Variants in UBR1 observed in about 807,000 individuals in gnomAD.
UBR1 encodes E3 ubiquitin-protein ligase UBR1.
A neutral mutation model predicts 242.1 loss-of-function variants in UBR1; 102 were observed. That is an observed-to-expected ratio of 0.42 (90% CI 0.36 to 0.50). UBR1 has a LOEUF of 0.50. Among genes scored for constraint, UBR1 ranks in the 20% least tolerant of loss-of-function variants. The pLI is 0.01. For missense variants in UBR1, 1,772 were observed against 2,101.8 expected, an observed-to-expected ratio of 0.84 and a Z score of 3.07; for synonymous variants, 675 against 684.8, an observed-to-expected ratio of 0.99 and a Z score of 0.22.
intron 14 of UBR1, among the ~76,000 whole-genome samples, chr15:43,046,734 C>T (rs971689503): frequency 3.9e-5 from 6 of 152,146 alleles, no homozygotes; most frequent in East Asian, 3.9e-4. Flanking sequence ...TATTTAAAGA[C>T]GGTTATGGTC....
chr15:43,077,694 TAAAA>T (rs1004151720), intron 3 of UBR1, among the ~76,000 whole-genome samples: 6 of 141,462 alleles, frequency 4.2e-5, no homozygotes, highest in African/African-American at 1.6e-4. Context: ...AAAAATAAAA[TAAAA>T]AAACTCATGA....
chr15:43,075,034 T>A lies in UBR1; in HGVS notation c.473A>T (p.Lys158Ile), dbSNP rs2033870791. Residue 158 changes from lysine to isoleucine, a missense_variant, in exon 4 of 47, where the codon AAA becomes ATA. Lys to Ile is a moderately radical substitution (Grantham distance 102, BLOSUM62 -3). This residue lies in a region of UBR1 where 734 missense variants were observed against 893.3 expected (regional missense o/e 0.82). Transcript: ENST00000290650. ...ATGATTTACACAAAAAGGGCCAGTT[T>A]TCCATGCCTCTGTGTCTCCACAGTC... The part of the protein sequence containing the change: ...FCDCGDTEAW[K>I]TGPFCVNHEP... 6.2e-7 allele frequency: 1 copy of A among 1,614,136 alleles called. No homozygotes were observed. The highest frequency in any genetic ancestry group is 8.5e-7 in the Non-Finnish European group (1 of 1,180,008).
chr15:43,007,428 C>A, intron 29 of UBR1, 144 bp from the exon 30 acceptor site: 1 of 807,546 alleles, frequency 1.2e-6, no homozygotes, highest in Non-Finnish European at 2.0e-6. Context: ...AAGTTAAAAG[C>A]TTCCCCCTTT....
intron 44 of UBR1, among the ~76,000 whole-genome samples, chr15:42,956,027 A>T (rs1451548407): frequency 6.6e-6 from 1 of 152,132 alleles, no homozygotes; most frequent in Non-Finnish European, 1.5e-5. Flanking sequence ...GAAAGAGATA[A>T]AAAAGTTTGG....
intron 30 of UBR1, among the ~76,000 whole-genome samples, chr15:43,006,093 AAAAAAAAAAAAAG>A (rs1013225346): frequency 7.1e-6 from 1 of 141,264 alleles, no homozygotes. Context: ...ATAAATACTA[AAAAAAAAAAAAAG>A]AAAAAAAAAA....
Position 43,021,367 on chromosome 15 carries a change from T to G in UBR1, c.2848A>C (p.Ser950Arg). 6.2e-7 allele frequency: 1 copy of G among 1,613,582 alleles called. No homozygotes were observed. Among genetic ancestry groups the G allele is most frequent in the South Asian group, 1.1e-5 (1 of 91,082 alleles). ...DFYHKASRLG[S>R]SAMNIQMLLE... Reference sequence around the variant, plus strand: ...AGCATTTGTATATTCATGGCTGAACTTCCCAATCCTTTTTTAAAACACAAA... The same window carrying G: ...AGCATTTGTATATTCATGGCTGAACGTCCCAATCCTTTTTTAAAACACAAA... The change falls in exon 27 of 47, where the codon AGT (serine) becomes CGT (arginine). Residue 950 changes from serine (S) to arginine (R), a missense_variant. Ser to Arg is a moderately radical substitution (Grantham distance 110). Coordinates refer to ENST00000290650, the MANE Select transcript of UBR1 (RefSeq NM_174916.3).
intron 1 of UBR1, among the ~76,000 whole-genome samples, chr15:43,105,244 T>C (rs938116113): frequency 6.6e-6 from 1 of 152,190 alleles, no homozygotes; most frequent in Non-Finnish European, 1.5e-5. Flanking sequence ...CCTACTCTTA[T>C]CTTCCTCGGC....
At chr15:42,952,225 G>A in intron 45 of UBR1, 53 bp downstream of exon 45, 2 of 1,609,620 alleles carry the variant, frequency 1.2e-6, no homozygotes, top group Non-Finnish European at 1.7e-6. Context: ...CCCCCAGATT[G>A]GATCCAGATT....
intron 6 of UBR1, among the ~76,000 whole-genome samples, chr15:43,063,582 T>A (rs1430969144): frequency 6.6e-6 from 1 of 152,118 alleles, no homozygotes; most frequent in South Asian, 2.1e-4. Flanking sequence ...GGTGGGTGAA[T>A]CACCTGAGCC....
chr15:43,094,481 C>CT (rs756603830), intron 1 of UBR1, among the ~76,000 whole-genome samples: 1 of 151,296 alleles, frequency 6.6e-6, no homozygotes, highest in African/African-American at 2.4e-5. Flanking sequence ...TTCTCACATT[C>CT]TTTTTTTCTT....
At chr15:43,007,373 A>C in intron 29 of UBR1, 89 bp from the exon 30 acceptor site, 1 of 1,084,460 alleles carries the variant, frequency 9.2e-7, no homozygotes. Flanking sequence ...ATAGGCAAGA[A>C]ATATAAGAAA....
At chr15:42,954,268 T>A (rs2141250937) in intron 44 of UBR1, among the ~76,000 whole-genome samples, 1 of 152,262 alleles carries the variant, frequency 6.6e-6, no homozygotes, top group African/African-American at 2.4e-5. Context: ...TTAGGAAAAT[T>A]ACTGAATTTA....
intron 3 of UBR1, among the ~76,000 whole-genome samples, chr15:43,079,517 C>T (rs896561326): frequency 4.6e-5 from 7 of 151,798 alleles, no homozygotes; most frequent in South Asian, 4.2e-4. Context: ...CAGTGGCTCA[C>T]GCCTGTAATT....
At chr15:42,999,764 G>C (rs908243009) in intron 32 of UBR1, among the ~76,000 whole-genome samples, 2 of 151,884 alleles carry the variant, frequency 1.3e-5, no homozygotes, top group Non-Finnish European at 2.9e-5. Flanking sequence ...AGAAGGTTGA[G>C]GCTGAAATGA....
intron 25 of UBR1, 24 bp downstream of exon 25, chr15:43,024,805 A>G (rs2033157982): frequency 6.2e-7 from 1 of 1,614,006 alleles, no homozygotes; most frequent in African/African-American, 1.3e-5. Flanking sequence ...CTTGATGTAG[A>G]GAAAATATTT....
At chr15:43,073,169 A>G (rs751708498) in intron 4 of UBR1, among the ~76,000 whole-genome samples, 1 of 152,154 alleles carries the variant, frequency 6.6e-6, no homozygotes, top group Admixed American at 6.5e-5. Flanking sequence ...AAAAAAAACA[A>G]AAACAAAAAC....
At chr15:43,090,077 CAGAA>C (rs1410060283) in intron 1 of UBR1, among the ~76,000 whole-genome samples, 1 of 152,104 alleles carries the variant, frequency 6.6e-6, no homozygotes, top group Non-Finnish European at 1.5e-5. Context: ...TTACAGGAAA[CAGAA>C]AGAGGGAGGT....
rs766654821 is a variant in UBR1, at chr15:42,998,251, G to A, written c.3674C>T (p.Ala1225Val). Residue 1225 changes from alanine (A) to valine (V), a missense_variant, in exon 33 of 47, where the codon GCT (alanine) becomes GTT (valine). Physicochemically the swap from Ala to Val is moderately conservative, Grantham distance 64 (BLOSUM62 0). This residue lies in a region of UBR1 where 965 missense variants were observed against 1,079.7 expected (regional missense o/e 0.89). Coordinates refer to ENST00000290650, the MANE Select transcript of UBR1 (RefSeq NM_174916.3). ...PQKINSENADALAQLLTLARW... is the reference protein window; with the variant it reads ...PQKINSENADVLAQLLTLARW... The stretch of plus-strand genomic sequence containing the variant: ...TGCCAGGGTCAAAAGTTGAGCAAGA[G>A]CATCTGCATTCTCACTGAAAAATGA... 5 of 1,613,788 alleles carry A rather than the reference G, an allele frequency of 3.1e-6. No homozygotes were observed. The highest frequency in any genetic ancestry group is 1.7e-6 in the Non-Finnish European group (2 of 1,179,792).
intron 10 of UBR1, among the ~76,000 whole-genome samples, chr15:43,056,668 T>C (rs2141334624): frequency 6.6e-6 from 1 of 152,134 alleles, no homozygotes; most frequent in East Asian, 1.9e-4. Context: ...GAGATAGAAG[T>C]GGAAACTATT....
Sources: gnomAD v4.1 joint callset for allele counts (sites outside exome capture counted in the v4.1 genomes callset) on GRCh38, gnomAD v4.1.1 for gene constraint, gnomAD v4.1.1 regional missense constraint, MANE v1.5 for transcripts, NCBI Gene and HGNC (gene_info 2026-07-23, HGNC 2026-07-21) for gene names.